Variants in PPIE observed in about 807,000 individuals in gnomAD.
PPIE encodes the protein peptidylprolyl isomerase E, also known as peptidyl-prolyl cis-trans isomerase E.
PPIE carries 20 observed loss-of-function variants against 38.4 expected under a neutral mutation model. That is an observed-to-expected ratio of 0.52 (90% CI 0.37 to 0.76). The LOEUF (loss-of-function observed/expected upper bound fraction) is 0.76. PPIE is among the 30% of genes least tolerant of loss of function. The probability of loss-of-function intolerance (pLI) is 0.00; values close to 1 mark genes in which losing one functional copy is unlikely to be tolerated. For missense variants in PPIE, 322 were observed against 385.8 expected (o/e 0.83, Z 1.39); for synonymous variants, 142 against 135.7 (o/e 1.05, Z -0.32).
At chr1:39,749,275 G>A (rs1032632067) in intron 8 of PPIE, among the ~76,000 whole-genome samples, 187 bp downstream of exon 8, 5 of 152,046 alleles carry the variant, frequency 3.3e-5, no homozygotes. Context: ...TTCAGGTACT[G>A]TTCATCCCCC....
intron 9 of PPIE, 34 bp downstream of exon 9, chr1:39,753,086 A>G: frequency 3.7e-6 from 6 of 1,612,994 alleles, no homozygotes; most frequent in Non-Finnish European, 5.1e-6. Flanking sequence ...CTCCTTACCC[A>G]GGCCCTAGGA....
chr1:39,750,201 TC>T (rs1647574567), intron 8 of PPIE, among the ~76,000 whole-genome samples: 1 of 152,104 alleles, frequency 6.6e-6, no homozygotes, highest in South Asian at 2.1e-4. Context: ...ATGCCCCTGG[TC>T]CCCCATCTTT....
chr1:39,752,818 G>C, intron 8 of PPIE, 92 bp from the exon 9 acceptor site: 2 of 1,489,418 alleles, frequency 1.3e-6, no homozygotes, highest in Non-Finnish European at 1.8e-6. Context: ...GTCTGAGCCT[G>C]ACTGGCTGAA....
Position 39,756,043 on chromosome 1 carries a change from C to G in PPIE, c.*2688C>G, listed in dbSNP as rs1462455066. On this transcript the variant is annotated 3_prime_UTR_variant, in exon 10 of 10. Transcript: ENST00000324379. ...ATTGGCCAGGACCTGTGTGGAGAGA[C>G]ACAGGAGACAAGACCCTGCTCTTCC... 16 of 985,262 alleles carry G rather than the reference C, an allele frequency of 1.6e-5. No homozygotes were observed. Among genetic ancestry groups the G allele is most frequent in the Non-Finnish European group, 1.9e-5 (16 of 829,928 alleles). The allele number at this position is 985,262 out of a possible 1,614,324, so 61.0% of individuals were successfully genotyped here.
In PPIE at chr1:39,756,237, G is replaced by A; in HGVS notation, c.*2882G>A. On this transcript the variant is annotated 3_prime_UTR_variant, in exon 10 of 10. Coordinates refer to ENST00000324379, the MANE Select transcript of PPIE (RefSeq NM_006112.4). ...CTGTGGGCGTCCTTTCCTGCAGCCT[G>A]GAGAGCAAAGCGGCTTTCCCTGGGA... 1.0e-6 allele frequency: 1 copy of A among 985,464 alleles called. No individual in the cohort carries two copies. Among genetic ancestry groups the A allele is most frequent in the African/African-American group, 1.7e-5 (1 of 57,364 alleles). The allele number at this position is 985,464 out of a possible 1,614,324, so 61.0% of individuals were successfully genotyped here. A position where few individuals can be genotyped will look rare whatever the true frequency, so the allele number is the denominator to read the frequency against.
At chr1:39,739,099 G>A (rs963677236) in intron 1 of PPIE, 168 bp downstream of exon 1, 36 of 649,990 alleles carry the variant, frequency 5.5e-5, no homozygotes, top group Non-Finnish European at 7.5e-5. Flanking sequence ...CTCCTTCCAA[G>A]GTTTCCCACT....
At chr1:39,740,309 A>G (rs572749463) in intron 2 of PPIE, 46 bp downstream of exon 2, 1 of 1,484,338 alleles carries the variant, frequency 6.7e-7, no homozygotes, top group African/African-American at 1.4e-5. Flanking sequence ...CTAGGAAAAT[A>G]CCTTAAAAAA....
At chr1:39,758,737 T>C (rs987573383), downstream of PPIE, 1 of 152,316 alleles carries the variant, frequency 6.6e-6, no homozygotes, top group East Asian at 1.9e-4. Flanking sequence ...AGGCCAGAGC[T>C]GAGATCCCTG....
At chr1:39,760,794 G>T (rs1236901941), downstream of PPIE, among the ~76,000 whole-genome samples, 1 of 152,196 alleles carries the variant, frequency 6.6e-6, no homozygotes, top group Non-Finnish European at 1.5e-5. Context: ...ATGGCAGGGG[G>T]TGTGCAGCAG....
At chr1:39,741,711 C>A (rs1647062023) in intron 3 of PPIE, 184 bp from the exon 4 acceptor site, 2 of 662,236 alleles carry the variant, frequency 3.0e-6, no homozygotes, top group East Asian at 2.7e-5. Flanking sequence ...AACTAGATGG[C>A]AAATTGTTGC....
downstream of PPIE, chr1:39,757,456 T>C (rs3820618): frequency 0.14 from 21,904 of 152,318 alleles, 1,666 homozygotes; most frequent in Middle Eastern, 0.34. Flanking sequence ...TTTGGACCTT[T>C]TCCAGAACAT....
chr1:39,760,448 T>G (rs144615098), downstream of PPIE: 35 of 1,613,976 alleles, frequency 2.2e-5, no homozygotes, highest in Non-Finnish European at 3.0e-5. Flanking sequence ...TTGACCACCA[T>G]GTTGCGGTGC....
chr1:39,760,650 C>T (rs1419446535), downstream of PPIE: 2 of 1,511,216 alleles, frequency 1.3e-6, no homozygotes. Flanking sequence ...CCAGCTCCAC[C>T]TGCTCCCTGC....
At position 39,743,327 on chromosome 1, in the gene PPIE, T is replaced by C. The variant is rs749395385; in HGVS notation, c.283+30T>C. ...GTAGGAGCAACTTCCAGATTCCCTG[T>C]GATGTTCTGCAGTTTGGCCTTAGTT... On this transcript the variant is annotated intron_variant, in intron 5 of 9. Coordinates refer to ENST00000324379, the MANE Select transcript of PPIE (RefSeq NM_006112.4). 7.5e-6 allele frequency: 12 copies of C among 1,600,622 alleles called. No homozygotes were observed. In the East Asian group the frequency reaches 2.7e-4, roughly 36 times the overall value.
At chr1:39,746,043 C>T (rs1647195179) in intron 7 of PPIE, 1 of 152,274 alleles carries the variant, frequency 6.6e-6, no homozygotes, top group Admixed American at 6.5e-5. Flanking sequence ...GAGCGGATTT[C>T]AACTCTTAGG....
intron 9 of PPIE, chr1:39,763,158 C>T (rs777957727): frequency 1.2e-6 from 2 of 1,614,026 alleles, no homozygotes; most frequent in East Asian, 2.2e-5. Context: ...AGCACTCCCC[C>T]TCACAGTAAT....
rs775496745 is a variant in PPIE, at chr1:39,753,352, G to A, written c.903G>A (p.Val301=). 1.2e-6 allele frequency: 2 copies of A among 1,614,034 alleles called. No homozygotes were observed. The highest frequency in any genetic ancestry group is 1.3e-5 in the African/African-American group (1 of 75,068). The stretch of plus-strand genomic sequence containing the variant: ...TCATCGCCGACTGTGGGGAGTACGT[G>A]TGAGGCGGCACTCTCTCTGCTTCCC... ...KVIIADCGEY[V] is the part of the protein sequence containing the mutation. Residue 301 remains valine, a synonymous_variant, in exon 10 of 10, where the codon GTG becomes GTA. Transcript: ENST00000324379.
In PPIE at chr1:39,738,913, A is replaced by G. The variant is rs773524238; in HGVS notation, c.13A>G (p.Lys5Glu). The change falls in exon 1 of 10, where the codon AAG becomes GAG. Residue 5 changes from lysine (K) to glutamate (E), a missense_variant. Transcript: ENST00000324379. MATT[K>E]RVLYVGGLAE... ...GCGCGCGAGCAAGATGGCCACCACC[A>G]AGCGCGTCTTGTACGTGGGTGAGCA... 2.0e-6 allele frequency: 3 copies of G among 1,504,198 alleles called. No individual in the cohort carries two copies. Among genetic ancestry groups the G allele is most frequent in the South Asian group, 1.3e-5 (1 of 76,064 alleles). The allele number at this position is 1,504,198 out of a possible 1,614,324, so 93.2% of individuals were successfully genotyped here.
rs1648254193 is a variant in PPIE at position 39,756,221 on chromosome 1, T to A, written c.*2866T>A. ...AGTGGAGCCAGTGGCTCTGTGGGCGTCCTTTCCTGCAGCCTGGAGAGCAAA... is the reference window on the plus strand; with the variant it reads ...AGTGGAGCCAGTGGCTCTGTGGGCGACCTTTCCTGCAGCCTGGAGAGCAAA... On this transcript the variant is annotated 3_prime_UTR_variant, in exon 10 of 10. Coordinates refer to ENST00000324379, the MANE Select transcript of PPIE (RefSeq NM_006112.4). 1 of 985,280 alleles carries A rather than the reference T, an allele frequency of 1.0e-6. No homozygotes were observed. 61.0% of individuals were successfully genotyped at this position (985,280 alleles called of 1,614,324 possible). A position where few individuals can be genotyped will look rare whatever the true frequency, so the allele number is the denominator to read the frequency against.
Sources: gnomAD v4.1 joint callset for allele counts (sites outside exome capture counted in the v4.1 genomes callset) on GRCh38, gnomAD v4.1.1 for gene constraint, MANE v1.5 for transcripts, NCBI Gene and HGNC (gene_info 2026-07-23, HGNC 2026-07-21) for gene names.